The following PTPRR variants were observed in gnomAD, a reference collection of about 807,000 sequenced individuals.
The protein encoded by PTPRR is receptor-type tyrosine-protein phosphatase R.
In PTPRR, 38 loss-of-function variants were observed where a neutral mutation model predicts 77.2. That is an observed-to-expected ratio of 0.49 (90% CI 0.38 to 0.65). PTPRR has a LOEUF of 0.65. Among genes scored for constraint, PTPRR ranks in the 30% least tolerant of loss-of-function variants. The probability of loss-of-function intolerance (pLI) is 0.00; values close to 1 mark genes in which losing one functional copy is unlikely to be tolerated. For missense variants in PTPRR, 744 were observed against 799.2 expected (o/e 0.93, Z 0.83); for synonymous variants, 299 against 283.1 (o/e 1.06, Z -0.57).
At chr12:70,639,556 A>C (rs1262750876) in intron 13 of PTPRR, 3 of 1,114,804 alleles carry the variant, frequency 2.7e-6, no homozygotes, top group Non-Finnish European at 3.3e-6. Flanking sequence ...CAGCCTAATG[A>C]TCAAGTACTT....
intron 5 of PTPRR, among the ~76,000 whole-genome samples, chr12:70,751,344 C>T (rs990892527): frequency 6.6e-6 from 1 of 152,250 alleles, no homozygotes; most frequent in Non-Finnish European, 1.5e-5. Context: ...CTGTTCTATG[C>T]CACCAGCATC....
intron 8 of PTPRR, among the ~76,000 whole-genome samples, chr12:70,691,040 T>C (rs549099617): frequency 7.9e-5 from 12 of 152,304 alleles, no homozygotes; most frequent in African/African-American, 2.6e-4. Context: ...AGGTCAGTTC[T>C]ATATATCCTT....
rs1308931039 is a variant in PTPRR, at chr12:70,662,719, T to C, written c.1498-114A>G. ...ATCATTAGTTTTAAAATATCAAATA[T>C]CAATTTTTATAGTTTTGTAAATATA... On this transcript the variant is annotated intron_variant, in intron 10 of 13. Transcript: ENST00000283228. 2.6e-5 allele frequency: 15 copies of C among 566,848 alleles called. No individual in the cohort carries two copies. The Middle Eastern group carries it at 1.3e-3, about 49-fold the overall frequency. The allele number at this position is 566,848 out of a possible 1,614,324, so 35.1% of individuals were successfully genotyped here.
Position 70,849,288 on chromosome 12 carries a change from T to C in PTPRR, c.357+43391A>G, listed in dbSNP as rs1592791579. Among the ~76,000 whole-genome samples, 2 of 152,172 alleles carry C rather than the reference T, an allele frequency of 1.3e-5. 1 individual carries two copies. The highest frequency in any genetic ancestry group is 4.1e-4 in the South Asian group (2 of 4,826). On this transcript the variant is annotated intron_variant, in intron 2 of 13. Transcript: ENST00000283228. ...CAGGCACAGCTGACCAGAAGTAGAC[T>C]GGCTGCTTTGGATGAGAGTAGCTTT...
chr12:70,714,308 A>G (rs190478271), intron 6 of PTPRR, among the ~76,000 whole-genome samples: 21 of 152,272 alleles, frequency 1.4e-4, no homozygotes, highest in Admixed American at 1.2e-3. Flanking sequence ...CAAATAATGC[A>G]GAAGGAAGCA....
intron 13 of PTPRR, among the ~76,000 whole-genome samples, chr12:70,652,577 C>T (rs1886436377): frequency 6.6e-6 from 1 of 152,110 alleles, no homozygotes; most frequent in African/African-American, 2.4e-5. Context: ...CATATATTGG[C>T]AGTCATTCAA....
At chr12:70,800,402 G>T (rs1891594986) in intron 2 of PTPRR, among the ~76,000 whole-genome samples, 1 of 151,790 alleles carries the variant, frequency 6.6e-6, no homozygotes. Context: ...AAAAAGGATG[G>T]GGCTAAGAGG....
At chr12:70,765,612 C>G (rs1285101306) in intron 2 of PTPRR, among the ~76,000 whole-genome samples, 1 of 152,202 alleles carries the variant, frequency 6.6e-6, no homozygotes, top group Non-Finnish European at 1.5e-5. Context: ...ACAGCAGTAA[C>G]CTCTGCAGAC....
chr12:70,668,856 CA>C (rs1887109454), intron 10 of PTPRR, among the ~76,000 whole-genome samples: 1 of 152,058 alleles, frequency 6.6e-6, no homozygotes, highest in African/African-American at 2.4e-5. Flanking sequence ...GGGCTGTGCT[CA>C]GTTGCTTAGT....
chr12:70,695,164 GTA>G (rs1888189778), intron 8 of PTPRR, among the ~76,000 whole-genome samples: 2 of 152,188 alleles, frequency 1.3e-5, no homozygotes, highest in Admixed American at 1.3e-4. Context: ...TCTCAGAATT[GTA>G]TAATGTTGCT....
At chr12:70,670,482 T>C (rs774160775) in intron 10 of PTPRR, among the ~76,000 whole-genome samples, 29 of 152,322 alleles carry the variant, frequency 1.9e-4, no homozygotes, top group South Asian at 6.2e-4. Context: ...ACCTACTTTG[T>C]AGAGTTAGAG....
At chr12:70,733,927 A>C (rs1038006968) in intron 6 of PTPRR, among the ~76,000 whole-genome samples, 3 of 152,162 alleles carry the variant, frequency 2.0e-5, no homozygotes, top group Admixed American at 6.5e-5. Flanking sequence ...CAGGAAAACA[A>C]TGTTTGGGCA....
At chr12:70,815,133 C>CA (rs368833751) in intron 2 of PTPRR, among the ~76,000 whole-genome samples, 121,945 of 139,008 alleles carry the variant, frequency 0.88, 54,159 homozygotes, top group Non-Finnish European at 0.94. Flanking sequence ...GATAAGATAT[C>CA]AAAAAAAAAA....
chr12:70,702,858 T>C (rs116024616), intron 6 of PTPRR, among the ~76,000 whole-genome samples: 4,768 of 152,258 alleles, frequency 0.031, 281 homozygotes, highest in African/African-American at 0.11. Flanking sequence ...TGATTTTTTT[T>C]CGAGATAAAC....
At chr12:70,896,838 A>T (rs1217590828) in intron 1 of PTPRR, among the ~76,000 whole-genome samples, 14 of 151,806 alleles carry the variant, frequency 9.2e-5, no homozygotes, top group Non-Finnish European at 1.3e-4. Flanking sequence ...ATGGCTAGCC[A>T]GTTTTCCCAG....
intron 6 of PTPRR, among the ~76,000 whole-genome samples, chr12:70,715,752 C>G (rs559585357): frequency 1.6e-4 from 25 of 152,206 alleles, no homozygotes; most frequent in Non-Finnish European, 1.9e-4. Context: ...CTGTCTTGTT[C>G]CCTGAACATT....
At chr12:70,883,273 A>G (rs949560345) in intron 2 of PTPRR, among the ~76,000 whole-genome samples, 20 of 152,140 alleles carry the variant, frequency 1.3e-4, no homozygotes, top group African/African-American at 4.6e-4. Context: ...AAAAACAACA[A>G]TAAAAAAGAT....
chr12:70,884,556 A>G (rs184663947), intron 2 of PTPRR, among the ~76,000 whole-genome samples: 205 of 152,052 alleles, frequency 1.3e-3, no homozygotes, highest in African/African-American at 4.7e-3. Flanking sequence ...TTTTGACATT[A>G]TTGTGGAAAT....
chr12:70,748,259 G>A (rs144572751), intron 5 of PTPRR, among the ~76,000 whole-genome samples: 1 of 152,244 alleles, frequency 6.6e-6, no homozygotes, highest in Non-Finnish European at 1.5e-5. Context: ...TCCAAGTTTT[G>A]TGACTTCCAG....
Sources: allele counts gnomAD v4.1 joint callset (sites outside exome capture counted in the v4.1 genomes callset), GRCh38; gene constraint gnomAD v4.1.1; transcripts MANE v1.5; gene names NCBI Gene and HGNC (gene_info 2026-07-23, HGNC 2026-07-21).